The following RAB3C variants were observed in gnomAD, a reference collection of about 807,000 sequenced individuals.
RAB3C encodes RAB3C, member RAS oncogene family, also known as ras-related protein Rab-3C.
Under a neutral mutation model 26.4 loss-of-function variants are expected in RAB3C, and 17 were observed. The observed-to-expected ratio is 0.64, with a 90% CI of 0.44 to 0.97. The LOEUF (loss-of-function observed/expected upper bound fraction) is 0.97. Among genes scored for constraint, RAB3C ranks in the 50% least tolerant of loss-of-function variants. The pLI, the probability that RAB3C is intolerant of heterozygous loss-of-function variation, is 0.00. For synonymous variants in RAB3C, 91 were observed against 95.9 expected, an observed-to-expected ratio of 0.95 and a Z score of 0.30; for missense variants, 242 against 281.9, an observed-to-expected ratio of 0.86 and a Z score of 1.01.
intron 2 of RAB3C, among the ~76,000 whole-genome samples, chr5:58,698,823 G>A (rs531258738): frequency 2.0e-5 from 3 of 152,084 alleles, no homozygotes; most frequent in East Asian, 1.9e-4. Flanking sequence ...TTAGCCATTC[G>A]CCTAATCTTT....
At chr5:58,821,892 C>G (rs189590404) in intron 3 of RAB3C, among the ~76,000 whole-genome samples, 2 of 152,338 alleles carry the variant, frequency 1.3e-5, no homozygotes, top group East Asian at 3.9e-4. Flanking sequence ...ATTCCCTCTT[C>G]AAGTTGAGAA....
intron 2 of RAB3C, among the ~76,000 whole-genome samples, chr5:58,674,052 G>A (rs1045305358): frequency 1.3e-5 from 2 of 152,188 alleles, no homozygotes; most frequent in African/African-American, 4.8e-5. Flanking sequence ...GAATAGATAA[G>A]AGTAAGTTTG....
intron 3 of RAB3C, among the ~76,000 whole-genome samples, chr5:58,793,316 T>TG (rs1297922834): frequency 1.3e-5 from 2 of 152,098 alleles, no homozygotes; most frequent in Non-Finnish European, 2.9e-5. Context: ...CCCAGCACTT[T>TG]GGGGGGCCGA....
At chr5:58,602,150 C>T (rs867335226) in intron 1 of RAB3C, among the ~76,000 whole-genome samples, 6 of 152,062 alleles carry the variant, frequency 3.9e-5, no homozygotes, top group Admixed American at 6.6e-5. Flanking sequence ...CATGTATTTG[C>T]GTGGTTTTGA....
intron 1 of RAB3C, among the ~76,000 whole-genome samples, chr5:58,588,602 G>A (rs1031117795): frequency 1.3e-5 from 2 of 151,940 alleles, no homozygotes; most frequent in Admixed American, 6.6e-5. Flanking sequence ...TTAGTCCTTT[G>A]TCAAGTCAGG....
At chr5:58,826,790 G>C (rs1192309602) in intron 4 of RAB3C, among the ~76,000 whole-genome samples, 1 of 152,190 alleles carries the variant, frequency 6.6e-6, no homozygotes, top group African/African-American at 2.4e-5. Context: ...GAAAAACACT[G>C]TTATAAAGGG....
intron 3 of RAB3C, among the ~76,000 whole-genome samples, chr5:58,756,210 T>A (rs192791612): frequency 0.015 from 2,189 of 149,260 alleles, 39 homozygotes; most frequent in African/African-American, 0.049. Context: ...ATATACTTAA[T>A]TTTTTTCTTA....
intron 3 of RAB3C, among the ~76,000 whole-genome samples, chr5:58,800,338 T>G (rs1742775937): frequency 6.6e-6 from 1 of 152,204 alleles, no homozygotes; most frequent in Non-Finnish European, 1.5e-5. Flanking sequence ...TTTTGGAAAG[T>G]GATTTAGGCA....
chr5:58,706,708 G>A (rs1748951070), intron 2 of RAB3C, among the ~76,000 whole-genome samples: 1 of 152,116 alleles, frequency 6.6e-6, no homozygotes, highest in African/African-American at 2.4e-5. Flanking sequence ...CTTACAGAAT[G>A]CACAACTCTC....
rs564556161 is a variant in RAB3C at position 58,618,664 on chromosome 5, C to T, written c.252+794C>T. 3.6e-4 allele frequency among the ~76,000 whole-genome samples: 54 copies of T among 152,024 alleles called. 2 individuals are homozygous for T. The South Asian group carries it at 0.011, about 30-fold the overall frequency. ...CAAGGCAATATAAAAGATGGAGCAG[C>T]CAATTTAAAAAAATTGTTACACCAA... is the stretch of plus-strand genomic sequence containing the variant. On this transcript the variant is annotated intron_variant, in intron 2 of 4. Transcript: ENST00000282878.
chr5:58,617,655 C>T lies in RAB3C; in HGVS notation c.37C>T (p.Gln13Ter), dbSNP rs773348872. Residue 13 changes from glutamine (Q) to a stop codon, truncating the protein, a stop_gained, in exon 2 of 5, where the codon CAA becomes TAA. Coordinates refer to ENST00000282878, the MANE Select transcript of RAB3C (RefSeq NM_138453.4). LOFTEE classifies it high-confidence loss of function. The part of the protein sequence containing the change: ...HEAPMQMASA[Q>*]DARYGQKDSS... ...GTTTTTATCACAGATGGCCTCTGCC[C>T]AAGATGCCAGGTACGGCCAGAAAGA... The T allele has an allele frequency of 1.9e-6, 3 of 1,612,556 alleles. No homozygotes were observed. Among genetic ancestry groups the T allele is most frequent in the Non-Finnish European group, 2.5e-6 (3 of 1,178,846 alleles).
rs1561305180 is a variant in RAB3C at position 58,737,427 on chromosome 5, AT to A, written c.371+11308del. 6.7e-3 allele frequency among the ~76,000 whole-genome samples: 686 copies of A among 103,006 alleles called. 31 individuals carry two copies. The highest frequency in any genetic ancestry group is 0.022 in the East Asian group (71 of 3,240). 67.6% of individuals were successfully genotyped at this position (103,006 alleles called of 152,430 possible). ...TATATATATATATATATATATATATATATATATATATATATATATATAATTT... is the reference window on the plus strand; with the variant it reads ...TATATATATATATATATATATATATAATATATATATATATATATATAATTT... On this transcript the variant is annotated intron_variant, in intron 3 of 4. Coordinates refer to ENST00000282878, the MANE Select transcript of RAB3C (RefSeq NM_138453.4).
At chr5:58,590,110 C>T (rs1434938543) in intron 1 of RAB3C, among the ~76,000 whole-genome samples, 2 of 152,162 alleles carry the variant, frequency 1.3e-5, no homozygotes, top group Non-Finnish European at 2.9e-5. Context: ...GCTCAGAAAA[C>T]AATAAGTGGG....
intron 2 of RAB3C, among the ~76,000 whole-genome samples, chr5:58,623,313 G>A (rs1579822658): frequency 6.6e-6 from 1 of 152,112 alleles, no homozygotes; most frequent in Non-Finnish European, 1.5e-5. Flanking sequence ...TTTGCATTTG[G>A]TGCTCAGGTG....
At chr5:58,703,459 G>A (rs1382564434) in intron 2 of RAB3C, among the ~76,000 whole-genome samples, 1 of 152,146 alleles carries the variant, frequency 6.6e-6, no homozygotes, top group East Asian at 1.9e-4. Context: ...TGGAATTACA[G>A]GCATGAGCCA....
chr5:58,626,215 T>C (rs1188152539), intron 2 of RAB3C, among the ~76,000 whole-genome samples: 1 of 152,210 alleles, frequency 6.6e-6, no homozygotes, highest in Non-Finnish European at 1.5e-5. Context: ...TTCTTTTTTC[T>C]TATAAACCAT....
At chr5:58,756,574 G>C (rs1048543458) in intron 3 of RAB3C, among the ~76,000 whole-genome samples, 2 of 135,910 alleles carry the variant, frequency 1.5e-5, no homozygotes, top group African/African-American at 5.7e-5. Context: ...TCCCCTCCCT[G>C]TGTCCATGTG....
intron 3 of RAB3C, among the ~76,000 whole-genome samples, chr5:58,766,406 G>A (rs556628088): frequency 3.7e-4 from 56 of 152,226 alleles, no homozygotes; most frequent in African/African-American, 1.3e-3. Context: ...ATGAGCCACC[G>A]CACCTAGCCG....
At chr5:58,814,133 A>G (rs1743160266) in intron 3 of RAB3C, among the ~76,000 whole-genome samples, 1 of 152,152 alleles carries the variant, frequency 6.6e-6, no homozygotes, top group Non-Finnish European at 1.5e-5. Context: ...CTGCCTAGAA[A>G]AGAGGCTTCA....
Sources: allele counts gnomAD v4.1 joint callset (sites outside exome capture counted in the v4.1 genomes callset), GRCh38; gene constraint gnomAD v4.1.1; transcripts MANE v1.5; gene names NCBI Gene and HGNC (gene_info 2026-07-23, HGNC 2026-07-21).